LIN7A: variants seen among roughly 807,000 people sequenced by gnomAD.
LIN7A encodes lin-7 cell polarity scaffold A, also known as protein lin-7 homolog A.
Under a neutral mutation model 29.8 loss-of-function variants are expected in LIN7A, and 25 were observed. That is an observed-to-expected ratio of 0.84 (90% CI 0.61 to 1.17). The LOEUF is 1.17. Ranked by LOEUF, LIN7A falls within the 50% of genes most tolerant of loss-of-function variation. LIN7A has a pLI of 0.00. For missense variants in LIN7A, 239 were observed against 287.0 expected, an observed-to-expected ratio of 0.83 and a Z score of 1.21; for synonymous variants, 118 against 107.5, an observed-to-expected ratio of 1.10 and a Z score of -0.60.
chr12:80,849,971 T>C lies in LIN7A; in HGVS notation c.202-1649A>G, dbSNP rs139227190. On this transcript the variant is annotated intron_variant, in intron 2 of 5. Transcript: ENST00000552864. ...GCCAGGGAAAGTGACTTTGCCTGCA[T>C]CCAAGGATGTTTATGAAGACAATCA... Among the ~76,000 whole-genome samples the C allele has an allele frequency of 2.7e-3, 411 of 152,266 alleles. 1 individual carries two copies. Among genetic ancestry groups the C allele is most frequent in the African/African-American group, 9.3e-3 (385 of 41,556 alleles).
chr12:80,909,543 G>A (rs1405952096), intron 1 of LIN7A, among the ~76,000 whole-genome samples: 2 of 152,044 alleles, frequency 1.3e-5, no homozygotes. Context: ...AGTGTCTGGC[G>A]AGGGTCCACT....
chr12:80,837,426 C>T (rs990994945), intron 4 of LIN7A, among the ~76,000 whole-genome samples: 5 of 151,664 alleles, frequency 3.3e-5, no homozygotes, highest in Non-Finnish European at 5.9e-5. Flanking sequence ...GGAGATTTGG[C>T]GCAGAGAAGA....
At chr12:80,888,841 T>C (rs1299011488) in intron 2 of LIN7A, among the ~76,000 whole-genome samples, 1 of 152,138 alleles carries the variant, frequency 6.6e-6, no homozygotes, top group Admixed American at 6.6e-5. Context: ...CCTTAGACAG[T>C]AATGTTTAGT....
intron 5 of LIN7A, among the ~76,000 whole-genome samples, chr12:80,807,426 G>A (rs1308664327): frequency 6.6e-6 from 1 of 152,056 alleles, no homozygotes; most frequent in African/African-American, 2.4e-5. Flanking sequence ...TGAGTAATAT[G>A]GCTGAGCAAA....
intron 1 of LIN7A, among the ~76,000 whole-genome samples, chr12:80,917,675 T>C (rs1877095378): frequency 6.6e-6 from 1 of 152,194 alleles, no homozygotes; most frequent in Non-Finnish European, 1.5e-5. Flanking sequence ...TCTTAGTTTA[T>C]AGTTTCTATT....
intron 2 of LIN7A, among the ~76,000 whole-genome samples, chr12:80,883,083 CTCTT>C (rs776205217): frequency 5.9e-4 from 89 of 151,966 alleles, no homozygotes; most frequent in African/African-American, 2.1e-3. Flanking sequence ...TTTCTTCTCT[CTCTT>C]TCTGTTTTTC....
intron 1 of LIN7A, among the ~76,000 whole-genome samples, chr12:80,893,696 T>G (rs1398997054): frequency 1.3e-5 from 2 of 152,164 alleles, no homozygotes; most frequent in African/African-American, 4.8e-5. Context: ...TGGGCATGCC[T>G]GAAAGAAGGG....
chr12:80,861,571 C>T (rs534351712), intron 2 of LIN7A: 23 of 152,420 alleles, frequency 1.5e-4, no homozygotes, highest in African/African-American at 5.5e-4. Flanking sequence ...TGCAGATACT[C>T]TGCAGTGAGA....
chr12:80,801,615 TA>T (rs1461181059), intron 5 of LIN7A, among the ~76,000 whole-genome samples: 4 of 152,244 alleles, frequency 2.6e-5, no homozygotes, highest in Non-Finnish European at 5.9e-5. Context: ...TTGATATGTT[TA>T]AAATGTGAAA....
At chr12:80,837,934 A>T (rs1872655427) in intron 4 of LIN7A, among the ~76,000 whole-genome samples, 1 of 152,062 alleles carries the variant, frequency 6.6e-6, no homozygotes, top group African/African-American at 2.4e-5. Context: ...TCCAGGACTT[A>T]GCTCAGTAGC....
intron 2 of LIN7A, among the ~76,000 whole-genome samples, chr12:80,863,119 T>C (rs1882169): frequency 0.77 from 117,288 of 152,216 alleles, 46,057 homozygotes; most frequent in East Asian, 0.97. Flanking sequence ...AAGATGGGCT[T>C]TAGCTCTCCT....
intron 4 of LIN7A, among the ~76,000 whole-genome samples, chr12:80,836,985 A>G (rs1478580246): frequency 6.6e-6 from 1 of 151,938 alleles, no homozygotes; most frequent in Non-Finnish European, 1.5e-5. Flanking sequence ...GGGCGGGGAA[A>G]GAAGGAAGAG....
chr12:80,913,351 A>G (rs112781374), intron 1 of LIN7A, among the ~76,000 whole-genome samples: 1 of 152,370 alleles, frequency 6.6e-6, no homozygotes, highest in Non-Finnish European at 1.5e-5. Context: ...TAGCCATTCT[A>G]TAAATTCCTA....
intron 1 of LIN7A, among the ~76,000 whole-genome samples, chr12:80,893,237 A>G (rs186253747): frequency 6.6e-6 from 1 of 152,294 alleles, no homozygotes; most frequent in East Asian, 1.9e-4. Context: ...ATGATTCATA[A>G]AAGCCCACAG....
chr12:80,905,274 C>G (rs1876419446), intron 1 of LIN7A, among the ~76,000 whole-genome samples: 1 of 152,074 alleles, frequency 6.6e-6, no homozygotes, highest in Non-Finnish European at 1.5e-5. Context: ...ACTGCAACCT[C>G]CGCCTCCCAC....
At chr12:80,849,992 A>G (rs1592893357) in intron 2 of LIN7A, among the ~76,000 whole-genome samples, 1 of 152,180 alleles carries the variant, frequency 6.6e-6, no homozygotes, top group African/African-American at 2.4e-5. Flanking sequence ...TTATGAAGAC[A>G]ATCATTTAGC....
At chr12:80,874,846 T>C (rs1318568189) in intron 2 of LIN7A, among the ~76,000 whole-genome samples, 1 of 151,858 alleles carries the variant, frequency 6.6e-6, no homozygotes. Context: ...TAGCCGGGCA[T>C]TGTGGCGGGC....
At chr12:80,815,654 G>A (rs1202084256) in intron 4 of LIN7A, among the ~76,000 whole-genome samples, 1 of 152,122 alleles carries the variant, frequency 6.6e-6, no homozygotes, top group Non-Finnish European at 1.5e-5. Flanking sequence ...TCCTACATAG[G>A]CTGAGAAGGT....
At chr12:80,847,431 A>G (rs1285449319) in intron 3 of LIN7A, among the ~76,000 whole-genome samples, 1 of 152,234 alleles carries the variant, frequency 6.6e-6, no homozygotes, top group Non-Finnish European at 1.5e-5. Flanking sequence ...AGTAAAAACT[A>G]AAAAATCAAG....
Sources: gnomAD v4.1 joint callset for allele counts (sites outside exome capture counted in the v4.1 genomes callset) on GRCh38, gnomAD v4.1.1 for gene constraint, MANE v1.5 for transcripts, NCBI Gene and HGNC (gene_info 2026-07-23, HGNC 2026-07-21) for gene names.